Variants in FUS observed in about 807,000 individuals in gnomAD.
FUS encodes FUS RNA binding protein.
In FUS, 5 loss-of-function variants were observed where a neutral mutation model predicts 82.7. The observed-to-expected ratio is 0.06, with a 90% CI of 0.03 to 0.13. FUS has a LOEUF of 0.13. FUS is among the 10% of genes least tolerant of loss of function. The pLI is 1.00. For missense variants in FUS, 512 were observed against 707.8 expected, an observed-to-expected ratio of 0.72 and a Z score of 3.14; for synonymous variants, 281 against 247.4, an observed-to-expected ratio of 1.14 and a Z score of -1.27.
intron 6 of FUS, 148 bp from the exon 7 acceptor site, chr16:31,186,651 GGGT>G (rs2079274914): frequency 1.4e-6 from 1 of 717,798 alleles, no homozygotes; most frequent in Non-Finnish European, 2.6e-6. Flanking sequence ...GTCAGACAAG[GGGT>G]GGTCAGGAAG....
rs748011207 is a variant in FUS at position 31,190,411 on chromosome 16, T to TA, written c.1292+15dup. 1 of 1,614,096 alleles carries TA rather than the reference T, an allele frequency of 6.2e-7. No homozygotes were observed. Among genetic ancestry groups the TA allele is most frequent in the Non-Finnish European group, 8.5e-7 (1 of 1,180,012 alleles). On this transcript the variant is annotated intron_variant, in intron 12 of 14. Transcript: ENST00000254108. ...AGTGTCCTAATCCGTGAGTGAAACT[T>TA]AATTTTTTTCTTAGTTCTCTTGCAT...
At chr16:31,191,838 G>A (rs2079366313), downstream of FUS, 1 of 555,890 alleles carries the variant, frequency 1.8e-6, no homozygotes, top group East Asian at 3.8e-5. Flanking sequence ...GCCTAAATTT[G>A]CCCAGCTATG....
At chr16:31,184,452 T>A (rs905024408) in intron 5 of FUS, 56 bp downstream of exon 5, 104 of 1,473,020 alleles carry the variant, frequency 7.1e-5, no homozygotes, top group Middle Eastern at 3.5e-4. Context: ...TTTTTTTTTT[T>A]TTTGAGACGG....
chr16:31,184,538 G>A, intron 5 of FUS, 142 bp downstream of exon 5: 1 of 872,454 alleles, frequency 1.1e-6, no homozygotes, highest in East Asian at 2.6e-5. Context: ...CCGCCTTCCG[G>A]GTTCGCGCCA....
At chr16:31,186,912 C>T (rs2079278910) in intron 7 of FUS, 76 bp downstream of exon 7, 15 of 1,396,616 alleles carry the variant, frequency 1.1e-5, no homozygotes, top group East Asian at 6.8e-5. Flanking sequence ...GATGTCTTAG[C>T]GTGTTAATTT....
intron 1 of FUS, among the ~76,000 whole-genome samples, chr16:31,181,367 C>T (rs1040581455): frequency 2.6e-5 from 4 of 152,134 alleles, no homozygotes; most frequent in East Asian, 3.8e-4. Flanking sequence ...TTAAGTGGGG[C>T]TTTTCAAAAG....
At chr16:31,188,429 C>G (rs1486360456) in intron 8 of FUS, 72 bp downstream of exon 8, 5 of 1,521,934 alleles carry the variant, frequency 3.3e-6, no homozygotes, top group Non-Finnish European at 4.5e-6. Flanking sequence ...TTCTTTGAAA[C>G]TATTATAAAA....
At chr16:31,188,458 G>C in intron 8 of FUS, 101 bp downstream of exon 8, 2 of 1,293,186 alleles carry the variant, frequency 1.5e-6, no homozygotes, top group Non-Finnish European at 1.1e-6. Context: ...GAAAAAAATG[G>C]GGATAGAGAA....
At chr16:31,183,609 G>A (rs1370349698) in intron 3 of FUS, 2 of 518,554 alleles carry the variant, frequency 3.9e-6, no homozygotes, top group African/African-American at 3.8e-5. Flanking sequence ...GGGTTTAGAG[G>A]GTGGTGCTGG....
chr16:31,186,025 TG>T (rs2079264544), intron 6 of FUS: 1 of 238,168 alleles, frequency 4.2e-6, no homozygotes, highest in Non-Finnish European at 8.3e-6. Context: ...AGTTTGGAAA[TG>T]GTAAGTATGC....
At chr16:31,188,410 G>T (rs2079303492) in intron 8 of FUS, 53 bp downstream of exon 8, 5 of 1,576,668 alleles carry the variant, frequency 3.2e-6, no homozygotes, top group Non-Finnish European at 4.4e-6. Flanking sequence ...TATCAAGACT[G>T]CCTGGATGTT....
At chr16:31,181,607 T>C (rs2079179804) in intron 1 of FUS, among the ~76,000 whole-genome samples, 1 of 152,190 alleles carries the variant, frequency 6.6e-6, no homozygotes, top group Non-Finnish European at 1.5e-5. Flanking sequence ...ATGGCCTTTT[T>C]TGAGACTTTC....
chr16:31,192,021 A>G (rs1472916496), downstream of FUS: 1 of 533,086 alleles, frequency 1.9e-6, no homozygotes, highest in Non-Finnish European at 3.6e-6. Context: ...GCGCTTAGCC[A>G]CTCTGGGTCT....
rs2079226636 is a variant in FUS at position 31,184,322 on chromosome 16, A to G, written c.449A>G (p.Asn150Ser). The G allele has an allele frequency of 2.5e-6, 4 of 1,614,138 alleles. No individual in the cohort carries two copies. Among genetic ancestry groups the G allele is most frequent in the Non-Finnish European group, 3.4e-6 (4 of 1,180,014 alleles). The change falls in exon 5 of 15, where the codon AAT (asparagine) becomes AGT (serine). Residue 150 changes from asparagine (N) to serine (S), a missense_variant. Transcript: ENST00000254108. The part of the protein sequence containing the change: ...QQSYGQQQSY[N>S]PPQGYGQQNQ... ...AGCTATGGACAGCAGCAAAGCTATA[A>G]TCCCCCTCAGGGCTATGGACAGCAG... is the stretch of plus-strand genomic sequence containing the variant.
At chr16:31,193,105 A>G, downstream of FUS, 1 of 483,042 alleles carries the variant, frequency 2.1e-6, no homozygotes. Flanking sequence ...ATGCCCAGCT[A>G]ATTTATTTGT....
At chr16:31,182,699 C>T (rs766399857) in intron 3 of FUS, 35 bp downstream of exon 3, 1 of 1,613,604 alleles carries the variant, frequency 6.2e-7, no homozygotes, top group South Asian at 1.1e-5. Flanking sequence ...TCTTCCTACT[C>T]TTTCTGAATA....
At chr16:31,190,217 G>A in intron 11 of FUS, 58 bp from the exon 12 acceptor site, 1 of 1,614,020 alleles carries the variant, frequency 6.2e-7, no homozygotes, top group Middle Eastern at 1.6e-4. Context: ...GCATGGAATG[G>A]GTTAGATTTA....
At chr16:31,183,715 A>G (rs374365041) in intron 3 of FUS, 143 bp from the exon 4 acceptor site, 15 of 969,482 alleles carry the variant, frequency 1.5e-5, no homozygotes, top group East Asian at 1.5e-4. Context: ...GAGGGTAACT[A>G]TCTTTGCCTA....
intron 8 of FUS, 86 bp from the exon 9 acceptor site, chr16:31,189,037 C>G: frequency 1.0e-6 from 1 of 976,840 alleles, no homozygotes; most frequent in East Asian, 2.4e-5. Flanking sequence ...ATACCAGTTG[C>G]TTGATGGATA....
Sources: gnomAD v4.1 joint callset for allele counts (sites outside exome capture counted in the v4.1 genomes callset) on GRCh38, gnomAD v4.1.1 for gene constraint, MANE v1.5 for transcripts, NCBI Gene and HGNC (gene_info 2026-07-23, HGNC 2026-07-21) for gene names.